The following GSK3B variants were observed in gnomAD, a reference collection of about 807,000 sequenced individuals.
The protein encoded by GSK3B is glycogen synthase kinase-3 beta.
In GSK3B, 15 loss-of-function variants were observed where a neutral mutation model predicts 56.4. That is an observed-to-expected ratio of 0.27 (90% CI 0.18 to 0.41). GSK3B has a LOEUF of 0.41. Among genes scored for constraint, GSK3B ranks in the 10% least tolerant of loss-of-function variants. The pLI, the probability that GSK3B is intolerant of heterozygous loss-of-function variation, is 1.00. For missense variants in GSK3B, 300 were observed against 513.4 expected (o/e 0.58, Z 4.02); for synonymous variants, 181 against 188.9 (o/e 0.96, Z 0.34).
intron 7 of GSK3B, among the ~76,000 whole-genome samples, chr3:119,882,332 A>G (rs1160079759): frequency 6.6e-6 from 1 of 152,104 alleles, no homozygotes; most frequent in Non-Finnish European, 1.5e-5. Context: ...CCTTCTCCCT[A>G]AATTCACTGT....
rs750386248 is a variant in GSK3B at position 119,826,859 on chromosome 3, C to A, written c.1196-4G>T. 40 of 1,598,912 alleles carry A rather than the reference C, an allele frequency of 2.5e-5. No homozygotes were observed. The highest frequency in any genetic ancestry group is 3.4e-5 in the Non-Finnish European group (40 of 1,167,272). On this transcript the variant is annotated splice_polypyrimidine_tract_variant and splice_region_variant and intron_variant, in intron 10 of 10. Coordinates refer to ENST00000264235, the MANE Select transcript of GSK3B (RefSeq NM_001146156.2). ...CCACGGTCTCCAGTATTAGCATCTG[C>A]AAGTCAAAAAGTCCCAAGAGAGAGC...
Position 120,094,095 on chromosome 3 carries a change from G to A in GSK3B, c.-661C>T. 4.4e-6 allele frequency: 1 copy of A among 227,840 alleles called. No homozygotes were observed. Among genetic ancestry groups the A allele is most frequent in the Non-Finnish European group, 8.7e-6 (1 of 114,452 alleles). The allele number at this position is 227,840 out of a possible 1,614,324, so 14.1% of individuals were successfully genotyped here. A position where few individuals can be genotyped will look rare whatever the true frequency, so the allele number is the denominator to read the frequency against. ...CATTGCGCCAGGAGCAGCTGCAGGC[G>A]GCGGCTGGATCCAGCGGCCATGGCG... On this transcript the variant is annotated 5_prime_UTR_variant, in exon 1 of 11. Transcript: ENST00000264235.
At chr3:120,087,083 A>G (rs983983691) in intron 1 of GSK3B, among the ~76,000 whole-genome samples, 5 of 152,232 alleles carry the variant, frequency 3.3e-5, no homozygotes, top group African/African-American at 1.2e-4. Flanking sequence ...ACCTATGAGC[A>G]AAGTTTACAC....
At chr3:120,082,270 C>A (rs928536075) in intron 1 of GSK3B, among the ~76,000 whole-genome samples, 1 of 150,222 alleles carries the variant, frequency 6.7e-6, no homozygotes, top group Non-Finnish European at 1.5e-5. Context: ...TTAAAAATAA[C>A]AAAAATAATA....
intron 3 of GSK3B, among the ~76,000 whole-genome samples, chr3:119,928,611 A>AT (rs2056911472): frequency 4.4e-5 from 4 of 91,532 alleles, no homozygotes; most frequent in Non-Finnish European, 8.4e-5. Flanking sequence ...TATCAAAAAA[A>AT]TAAAAAAAAA....
chr3:120,027,724 G>A (rs1576281504), intron 1 of GSK3B, among the ~76,000 whole-genome samples: 2 of 152,084 alleles, frequency 1.3e-5, no homozygotes, highest in East Asian at 3.9e-4. Context: ...GCTATATATT[G>A]TGATCCCAAT....
chr3:119,832,960 T>A (rs1203114201), intron 10 of GSK3B: 1 of 982,312 alleles, frequency 1.0e-6, no homozygotes, highest in Non-Finnish European at 1.2e-6. Flanking sequence ...TTGTTTTGTT[T>A]GTTTGTTTTT....
intron 3 of GSK3B, among the ~76,000 whole-genome samples, chr3:119,936,520 T>C (rs538088244): frequency 6.6e-6 from 1 of 151,382 alleles, no homozygotes; most frequent in East Asian, 1.9e-4. Context: ...CTAATTTTTG[T>C]ATTTTTTAGT....
At chr3:119,959,167 T>C (rs1406044142) in intron 2 of GSK3B, among the ~76,000 whole-genome samples, 1 of 152,210 alleles carries the variant, frequency 6.6e-6, no homozygotes, top group Admixed American at 6.5e-5. Flanking sequence ...ATAATCTCCC[T>C]ATTTTTTAAA....
intron 3 of GSK3B, among the ~76,000 whole-genome samples, chr3:119,924,863 G>A (rs77830330): frequency 0.1 from 15,977 of 152,216 alleles, 953 homozygotes; most frequent in African/African-American, 0.17. Flanking sequence ...TTGTGACAGA[G>A]ACTAGATAGC....
intron 1 of GSK3B, among the ~76,000 whole-genome samples, chr3:120,062,133 T>A (rs569300008): frequency 1.3e-5 from 2 of 152,226 alleles, no homozygotes; most frequent in Non-Finnish European, 2.9e-5. Context: ...ACACAGAGTA[T>A]AATTTTATCT....
At chr3:120,061,516 T>C (rs1019365035) in intron 1 of GSK3B, among the ~76,000 whole-genome samples, 1 of 152,066 alleles carries the variant, frequency 6.6e-6, no homozygotes, top group South Asian at 2.1e-4. Context: ...ACCACAGGAG[T>C]GTTAAGAAGA....
At chr3:119,989,055 C>G (rs575332124) in intron 2 of GSK3B, among the ~76,000 whole-genome samples, 16 of 152,200 alleles carry the variant, frequency 1.1e-4, no homozygotes, top group South Asian at 6.2e-4. Flanking sequence ...CAAAATAAGT[C>G]GGGCTTTCTT....
intron 1 of GSK3B, among the ~76,000 whole-genome samples, chr3:120,024,592 A>G (rs1254373477): frequency 6.6e-6 from 1 of 152,188 alleles, no homozygotes; most frequent in Non-Finnish European, 1.5e-5. Flanking sequence ...TCATCTAAGT[A>G]TTTATCAAAA....
chr3:119,867,479 T>C (rs2056199015), intron 8 of GSK3B, among the ~76,000 whole-genome samples: 1 of 152,178 alleles, frequency 6.6e-6, no homozygotes, highest in Non-Finnish European at 1.5e-5. Context: ...AAATAAATCC[T>C]ACATCTTCCA....
chr3:119,883,008 C>G (rs1262813986), intron 7 of GSK3B, among the ~76,000 whole-genome samples: 2 of 151,954 alleles, frequency 1.3e-5, no homozygotes, highest in African/African-American at 4.8e-5. Flanking sequence ...AAGCAATTAA[C>G]TAAAAAAAGG....
At chr3:119,841,254 A>T (rs988042455) in intron 10 of GSK3B, among the ~76,000 whole-genome samples, 1 of 152,238 alleles carries the variant, frequency 6.6e-6, no homozygotes, top group Non-Finnish European at 1.5e-5. Context: ...TCAAAACAAC[A>T]TGAAAATCAG....
chr3:119,901,575 T>G (rs972448557), intron 7 of GSK3B, among the ~76,000 whole-genome samples: 4 of 152,204 alleles, frequency 2.6e-5, no homozygotes, highest in African/African-American at 9.6e-5. Context: ...TTAATTAAAC[T>G]GTTTTACTCA....
chr3:119,956,461 C>T (rs1241559201), intron 2 of GSK3B, among the ~76,000 whole-genome samples: 1 of 152,160 alleles, frequency 6.6e-6, no homozygotes, highest in African/African-American at 2.4e-5. Flanking sequence ...ATTATCTTTA[C>T]CCATTAAGCC....
Sources: allele counts gnomAD v4.1 joint callset (sites outside exome capture counted in the v4.1 genomes callset), GRCh38; gene constraint gnomAD v4.1.1; transcripts MANE v1.5; gene names NCBI Gene and HGNC (gene_info 2026-07-23, HGNC 2026-07-21).